COL5A3: variants seen among roughly 807,000 people sequenced by gnomAD.
COL5A3 encodes the protein collagen alpha-3(V) chain.
COL5A3 carries 172 observed loss-of-function variants against 250.0 expected under a neutral mutation model. The observed-to-expected ratio is 0.69, with a 90% CI of 0.61 to 0.78. COL5A3 has a LOEUF of 0.78. COL5A3 is among the 30% of genes least tolerant of loss of function. The pLI, the probability that COL5A3 is intolerant of heterozygous loss-of-function variation, is 0.00. For synonymous variants in COL5A3, 937 were observed against 900.4 expected, an observed-to-expected ratio of 1.04 and a Z score of -0.73; for missense variants, 2,340 against 2,334.4, an observed-to-expected ratio of 1.00 and a Z score of -0.05.
chr19:9,966,443 C>A lies in COL5A3; in HGVS notation c.4670-17G>T, dbSNP rs1402016631. 1 of 1,585,338 alleles carries A rather than the reference C, an allele frequency of 6.3e-7. No homozygotes were observed. Among genetic ancestry groups the A allele is most frequent in the Admixed American group, 1.7e-5 (1 of 58,570 alleles). The stretch of plus-strand genomic sequence containing the variant: ...AGTATTCCCCTGCCGCAGAGCCAGG[C>A]AGGGTGGGTGAGTCCGGATGGGACC... On this transcript the variant is annotated splice_polypyrimidine_tract_variant and intron_variant, in intron 63 of 66. Transcript: ENST00000264828.
chr19:9,982,150 G>A (rs766984032), intron 31 of COL5A3, 32 bp from the exon 32 acceptor site: 2 of 1,509,432 alleles, frequency 1.3e-6, no homozygotes, highest in Non-Finnish European at 9.0e-7. Context: ...GAAGACATGA[G>A]GGTGAGGAGT....
rs1325423414 is a variant in COL5A3, at chr19:9,980,515, C to CCA, written c.2604+131_2604+132dup. 3.8e-6 allele frequency: 5 copies of CCA among 1,318,660 alleles called. No individual in the cohort carries two copies. The Admixed American group carries it at 1.0e-4, about 27-fold the overall frequency. 81.7% of individuals were successfully genotyped at this position (1,318,660 alleles called of 1,614,324 possible). On this transcript the variant is annotated intron_variant, in intron 35 of 66. Coordinates refer to ENST00000264828, the MANE Select transcript of COL5A3 (RefSeq NM_015719.4). ...TAGGTGGGACTACAGGCGTGCACCA[C>CCA]CACACCCAATTAAGCTGTGCTCTTA...
intron 24 of COL5A3, among the ~76,000 whole-genome samples, chr19:9,990,786 A>G (rs1224534952): frequency 1.3e-5 from 2 of 152,072 alleles, no homozygotes; most frequent in Non-Finnish European, 2.9e-5. Context: ...GATGGTCTCG[A>G]TCTCCTGACC....
chr19:9,998,368 A>T (rs2087304355), intron 8 of COL5A3, among the ~76,000 whole-genome samples: 1 of 152,122 alleles, frequency 6.6e-6, no homozygotes, highest in Non-Finnish European at 1.5e-5. Context: ...AAGAGCGTGA[A>T]ATCCAGAGAC....
chr19:9,982,622 A>G (rs1000845487), intron 31 of COL5A3, among the ~76,000 whole-genome samples: 15 of 152,174 alleles, frequency 9.9e-5, no homozygotes, highest in African/African-American at 3.4e-4. Flanking sequence ...GTGCTTTTTA[A>G]TATTTGTTAA....
chr19:10,004,475 C>T (rs1220099388), intron 4 of COL5A3, among the ~76,000 whole-genome samples: 2 of 152,160 alleles, frequency 1.3e-5, no homozygotes, highest in Admixed American at 6.5e-5. Flanking sequence ...AGATTACAGG[C>T]GTGTGCCACC....
At position 9,968,832 on chromosome 19, in the gene COL5A3, G is replaced by A; in HGVS notation, c.4153-104C>T. On this transcript the variant is annotated intron_variant, in intron 57 of 66. Coordinates refer to ENST00000264828, the MANE Select transcript of COL5A3 (RefSeq NM_015719.4). This position sits in a 1 kb window ranked among gnomAD's most constrained non-coding sequence, Gnocchi z 4.1. ...ATGGGAAATTATGCAGATTTCAAAT[G>A]GGAATTACCAGGGATGAGGTCAAGG... 1 of 1,035,852 alleles carries A rather than the reference G, an allele frequency of 9.7e-7. No individual in the cohort carries two copies. The highest frequency in any genetic ancestry group is 1.4e-6 in the Non-Finnish European group (1 of 690,410). 64.2% of individuals were successfully genotyped at this position (1,035,852 alleles called of 1,614,324 possible).
At chr19:9,962,351 G>A (rs945901696) in intron 65 of COL5A3, among the ~76,000 whole-genome samples, 4 of 151,990 alleles carry the variant, frequency 2.6e-5, no homozygotes, top group South Asian at 4.1e-4. Flanking sequence ...CAGGTGATCC[G>A]CCTACCTTGG....
Position 9,976,608 on chromosome 19 carries a change from G to C in COL5A3, c.3292C>G (p.Pro1098Ala), listed in dbSNP as rs201827462. The stretch of plus-strand genomic sequence containing the variant: ...CCCCGTATCCCTGGTTGTCCAGGTG[G>C]GCCCTGGGAGAACAGGAAACAGAAT... ...GSKGDKGDAG[P>A]PGQPGIRGPA... The change falls in exon 45 of 67, where the codon CCA becomes GCA. Residue 1098 changes from proline (P) to alanine (A), a missense_variant. Physicochemically the swap from Pro to Ala is conservative, Grantham distance 27 (BLOSUM62 -1). This residue lies in a region of COL5A3 where 1,179 missense variants were observed against 1,162.6 expected (regional missense o/e 1.01). Coordinates refer to ENST00000264828, the MANE Select transcript of COL5A3 (RefSeq NM_015719.4). The C allele has an allele frequency of 1.9e-5, 30 of 1,575,742 alleles. No homozygotes were observed. In the African/African-American group the frequency reaches 2.2e-4, roughly 12 times the overall value.
rs1246973082 is a variant in COL5A3 at position 9,973,006 on chromosome 19, A to C, written c.3687T>G (p.Gly1229=). The change falls in exon 51 of 67, where the codon GGT becomes GGG. Residue 1229 remains glycine, a synonymous_variant. Coordinates refer to ENST00000264828, the MANE Select transcript of COL5A3 (RefSeq NM_015719.4). ...PGIPGPKGDI[G]EKGDSGPSGA... ...CAGATGGGCCTGAGTCCCCCTTTTC[A>C]CCAATGTCTCCCTTGGGCCCCTTTA... The C allele has an allele frequency of 2.5e-6, 4 of 1,608,722 alleles. No individual in the cohort carries two copies. In the South Asian group the frequency reaches 4.5e-5, roughly 18 times the overall value.
chr19:9,996,705 G>A lies in COL5A3; in HGVS notation c.1264-16C>T, dbSNP rs2087278960. 6.3e-7 allele frequency: 1 copy of A among 1,589,938 alleles called. No individual in the cohort carries two copies. The highest frequency in any genetic ancestry group is 1.4e-5 in the African/African-American group (1 of 73,224). On this transcript the variant is annotated splice_polypyrimidine_tract_variant and intron_variant, in intron 11 of 66. Coordinates refer to ENST00000264828, the MANE Select transcript of COL5A3 (RefSeq NM_015719.4). ...CAGCAGGGCCCTGAGAGAGGGATGG[G>A]GGAAGAGAGGTGGAGACAGGGAGAG...
chr19:9,990,768 T>A (rs2087177867), intron 24 of COL5A3, among the ~76,000 whole-genome samples: 1 of 152,050 alleles, frequency 6.6e-6, no homozygotes, highest in African/African-American at 2.4e-5. Flanking sequence ...TTTCACCATG[T>A]TAGCCAGGAT....
Position 9,973,043 on chromosome 19 carries a change from C to G in COL5A3, c.3667-17G>C, listed in dbSNP as rs2086875595. On this transcript the variant is annotated splice_polypyrimidine_tract_variant and intron_variant, in intron 50 of 66. Transcript: ENST00000264828. ...CTTGGGCCCCTTTACAGAAAGAGGT[C>G]AGAGGTCAGAGTGGCCTGGACTCTC... is the stretch of plus-strand genomic sequence containing the variant. The G allele has an allele frequency of 6.3e-7, 1 of 1,588,426 alleles. No individual in the cohort carries two copies. The highest frequency in any genetic ancestry group is 8.6e-7 in the Non-Finnish European group (1 of 1,165,080).
intron 64 of COL5A3, 82 bp downstream of exon 64, chr19:9,966,232 G>A: frequency 9.6e-7 from 1 of 1,042,262 alleles, no homozygotes; most frequent in Admixed American, 2.0e-5. Context: ...GAAGGATAAC[G>A]TCCCAGACAA....
intron 52 of COL5A3, 79 bp from the exon 53 acceptor site, chr19:9,971,107 C>A: frequency 7.0e-7 from 1 of 1,418,706 alleles, no homozygotes; most frequent in Non-Finnish European, 9.4e-7. Context: ...GGCAAAAGAA[C>A]GTTTTTGGTT....
In COL5A3 at chr19:10,001,792, A is replaced by T. The variant is rs548966499; in HGVS notation, c.939T>A (p.Thr313=). ...TPLVVTSTVT[T]GLNATILERS... is the part of the protein sequence containing the mutation. ...CCTCTAGGATCGTGGCATTGAGTCC[A>T]GTAGTCACAGTGGAGGTGACGACCA... is the stretch of plus-strand genomic sequence containing the variant. Residue 313 remains threonine (T), a synonymous_variant, in exon 7 of 67, where the codon ACT becomes ACA. Transcript: ENST00000264828. The T allele has an allele frequency of 1.2e-6, 2 of 1,614,134 alleles. No individual in the cohort carries two copies. The highest frequency in any genetic ancestry group is 2.7e-5 in the African/African-American group (2 of 75,036).
At chr19:9,976,401 G>A (rs547016946) in intron 45 of COL5A3, among the ~76,000 whole-genome samples, 157 bp downstream of exon 45, 1 of 152,036 alleles carries the variant, frequency 6.6e-6, no homozygotes, top group Non-Finnish European at 1.5e-5. Context: ...GATTGACTCC[G>A]ATTCTTGGAT....
chr19:10,002,073 G>A (rs370181268), intron 6 of COL5A3, among the ~76,000 whole-genome samples, 192 bp from the exon 7 acceptor site: 5 of 152,312 alleles, frequency 3.3e-5, no homozygotes, highest in South Asian at 4.1e-4. Flanking sequence ...GGGAGCCACC[G>A]TGGATGGAGG....
At chr19:9,995,965 A>G (rs1452975343) in intron 15 of COL5A3, 101 bp downstream of exon 15, 34 of 1,168,298 alleles carry the variant, frequency 2.9e-5, no homozygotes, top group Non-Finnish European at 3.4e-5. Flanking sequence ...TTGCAAGGGT[A>G]TCCCCAGCCC....
Sources: gnomAD v4.1 joint callset for allele counts (sites outside exome capture counted in the v4.1 genomes callset) on GRCh38, gnomAD v4.1.1 for gene constraint, gnomAD v4.1.1 regional missense constraint, Gnocchi (gnomAD v3.1) non-coding constraint, MANE v1.5 for transcripts, NCBI Gene and HGNC (gene_info 2026-07-23, HGNC 2026-07-21) for gene names.